The following C1QB variants were observed in gnomAD, a reference collection of about 807,000 sequenced individuals.
The protein encoded by C1QB is complement C1q B chain.
In C1QB, 2 loss-of-function variants were observed where a neutral mutation model predicts 4.6. The ratio of observed to expected loss-of-function variants is 0.43; its 90% confidence interval spans 0.18 to 1.36. C1QB has a LOEUF of 1.36. C1QB is among the 40% of genes most tolerant of loss of function. C1QB has a pLI of 0.28. For synonymous variants in C1QB, 132 were observed against 137.1 expected, an observed-to-expected ratio of 0.96 and a Z score of 0.26; for missense variants, 292 against 338.0, an observed-to-expected ratio of 0.86 and a Z score of 1.07.
Position 22,658,936 on chromosome 1 carries a change from TGGATGGATGGATGGAGAGGA to T in C1QB, c.-23-488_-23-469del, listed in dbSNP as rs1262562037. Among the ~76,000 whole-genome samples, 7 of 126,320 alleles carry T rather than the reference TGGATGGATGGATGGAGAGGA, an allele frequency of 5.5e-5. No individual in the cohort carries two copies. The Middle Eastern group carries it at 0.027, about 480-fold the overall frequency. The allele number at this position is 126,320 out of a possible 152,430, so 82.9% of individuals were successfully genotyped here. A position where few individuals can be genotyped will look rare whatever the true frequency, so the allele number is the denominator to read the frequency against. On this transcript the variant is annotated intron_variant, in intron 1 of 2. Transcript: ENST00000509305. ...ATGCAGGGATGGAGGGGTAGAGAGA[TGGATGGATGGATGGAGAGGA>T]GGATGGATGGATGGATGCAGGGATG...
At position 22,661,154 on chromosome 1, in the gene C1QB, G is replaced by A. The variant is rs754513747; in HGVS notation, c.524G>A (p.Arg175Gln). The A allele has an allele frequency of 2.5e-6, 4 of 1,614,134 alleles. No individual in the cohort carries two copies. Among genetic ancestry groups the A allele is most frequent in the Non-Finnish European group, 3.4e-6 (4 of 1,180,018 alleles). The change falls in exon 3 of 3, where the codon CGA becomes CAA. Residue 175 changes from arginine to glutamine, a missense_variant. Physicochemically the swap from Arg to Gln is conservative, Grantham distance 43 (BLOSUM62 1). Coordinates refer to ENST00000509305, the MANE Select transcript of C1QB (RefSeq NM_001378156.1). The stretch of plus-strand genomic sequence containing the variant: ...TACTTCACCTACCACGCCAGCTCTC[G>A]AGGGAACCTGTGCGTGAACCTCATG... Reference protein sequence around the residue: ...LYYFTYHASSRGNLCVNLMRG... With the variant: ...LYYFTYHASSQGNLCVNLMRG...
intron 2 of C1QB, 52 bp downstream of exon 2, chr1:22,659,695 C>T: frequency 6.4e-7 from 1 of 1,557,752 alleles, no homozygotes. Context: ...TTTCCCGTCT[C>T]CTGCCTCCCA....
chr1:22,660,854 A>C lies in C1QB; in HGVS notation c.224A>C (p.Lys75Thr). ...LAGDHGEFGEKGDPGIPGNPG... is the reference protein window; with the variant it reads ...LAGDHGEFGETGDPGIPGNPG... ...GGAGACCATGGTGAGTTCGGAGAGAAGGGAGACCCAGGGATTCCTGGGAAT... is the reference window on the plus strand; with the variant it reads ...GGAGACCATGGTGAGTTCGGAGAGACGGGAGACCCAGGGATTCCTGGGAAT... Residue 75 changes from lysine (K) to threonine (T), a missense_variant, in exon 3 of 3, where the codon AAG becomes ACG. Coordinates refer to ENST00000509305, the MANE Select transcript of C1QB (RefSeq NM_001378156.1). The C allele has an allele frequency of 1.2e-6, 2 of 1,613,876 alleles. No individual in the cohort carries two copies. Among genetic ancestry groups the C allele is most frequent in the Non-Finnish European group, 1.7e-6 (2 of 1,179,960 alleles).
intron 1 of C1QB, among the ~76,000 whole-genome samples, chr1:22,659,119 GAGAT>G (rs1221987811): frequency 5.3e-4 from 77 of 146,192 alleles, no homozygotes; most frequent in African/African-American, 1.6e-3. Context: ...GGAGGATAGA[GAGAT>G]AGATGGATGG....
At chr1:22,659,716 G>T in intron 2 of C1QB, 73 bp downstream of exon 2, 1 of 1,528,070 alleles carries the variant, frequency 6.5e-7, no homozygotes, top group Non-Finnish European at 8.9e-7. Context: ...AGTCACAGTT[G>T]CCTACCTTTG....
chr1:22,656,943 G>A (rs1403695207), intron 1 of C1QB, among the ~76,000 whole-genome samples: 1 of 152,158 alleles, frequency 6.6e-6, no homozygotes, highest in East Asian at 1.9e-4. Context: ...ATACAGATGA[G>A]ATGCTCAGGG....
chr1:22,657,910 G>T (rs1166257284), intron 1 of C1QB, among the ~76,000 whole-genome samples: 3 of 152,136 alleles, frequency 2.0e-5, no homozygotes, highest in Admixed American at 2.0e-4. Context: ...GGCCATCACT[G>T]CCCTCTTGCC....
At chr1:22,658,707 G>T (rs2148304068) in intron 1 of C1QB, among the ~76,000 whole-genome samples, 1 of 152,248 alleles carries the variant, frequency 6.6e-6, no homozygotes, top group East Asian at 1.9e-4. Context: ...TGGATGGAGG[G>T]ACAGATGGAG....
chr1:22,658,903 ATGGATGGATG>A (rs1642567649), intron 1 of C1QB, among the ~76,000 whole-genome samples: 1 of 97,232 alleles, frequency 1.0e-5, no homozygotes, highest in Admixed American at 1.3e-4. Flanking sequence ...GGATGGATGG[ATGGATGGATG>A]CAGGGATGGA....
At chr1:22,658,347 C>T (rs542687705) in intron 1 of C1QB, among the ~76,000 whole-genome samples, 149 of 152,260 alleles carry the variant, frequency 9.8e-4, no homozygotes, top group Middle Eastern at 6.8e-3. Context: ...CTTTTCTGGA[C>T]CTTCAGGTCT....
At chr1:22,660,735 G>A in intron 2 of C1QB, 77 bp from the exon 3 acceptor site, 1 of 1,440,890 alleles carries the variant, frequency 6.9e-7, no homozygotes, top group Non-Finnish European at 9.7e-7. Context: ...GAGAGGCAGG[G>A]CCCTGCCCAA....
rs768173375 is a variant in C1QB at position 22,661,432 on chromosome 1, G to A, written c.*46G>A. The A allele has an allele frequency of 2.2e-5, 36 of 1,606,742 alleles. No individual in the cohort carries two copies. The highest frequency in any genetic ancestry group is 1.5e-4 in the South Asian group (14 of 90,844). On this transcript the variant is annotated 3_prime_UTR_variant, in exon 3 of 3. Coordinates refer to ENST00000509305, the MANE Select transcript of C1QB (RefSeq NM_001378156.1). ...CACCCCGGCTCCCCCTGCCAGCAAC[G>A]CTCACTCTACCCCCAACACCACCCC...
Position 22,659,593 on chromosome 1 carries a change from C to T in C1QB, c.131C>T (p.Thr44Ile), listed in dbSNP as rs747307315. ...AIPGIPGIPG[T>I]PGPDGQPGTP... ...CCTGGCATCCCGGGTATCCCTGGGA[C>T]ACCTGGCCCCGATGGCCAACCTGGG... is the stretch of plus-strand genomic sequence containing the variant. The change falls in exon 2 of 3, where the codon ACA becomes ATA. Residue 44 changes from threonine to isoleucine, a missense_variant. Coordinates refer to ENST00000509305, the MANE Select transcript of C1QB (RefSeq NM_001378156.1). 33 of 1,613,960 alleles carry T rather than the reference C, an allele frequency of 2.0e-5. No individual in the cohort carries two copies. The South Asian group carries it at 3.5e-4, about 17-fold the overall frequency.
chr1:22,659,217 T>C (rs1642579724), intron 1 of C1QB, among the ~76,000 whole-genome samples: 1 of 138,580 alleles, frequency 7.2e-6, no homozygotes, highest in Admixed American at 7.2e-5. Context: ...GATAGAGAGA[T>C]GGATGGATGG....
At chr1:22,655,903 G>A (rs1557610588) in intron 1 of C1QB, among the ~76,000 whole-genome samples, 1 of 152,124 alleles carries the variant, frequency 6.6e-6, no homozygotes, top group Non-Finnish European at 1.5e-5. Context: ...AGCTTCGAAT[G>A]AAGAAAAAAC....
At chr1:22,656,514 A>C (rs291981) in intron 1 of C1QB, among the ~76,000 whole-genome samples, 20,970 of 152,144 alleles carry the variant, frequency 0.14, 2,607 homozygotes, top group African/African-American at 0.33. Flanking sequence ...TCTCAAAAAA[A>C]ACCAAAAACC....
At chr1:22,658,063 CAGT>C (rs747877735) in intron 1 of C1QB, among the ~76,000 whole-genome samples, 7 of 152,160 alleles carry the variant, frequency 4.6e-5, no homozygotes, top group Non-Finnish European at 1.0e-4. Context: ...GTAGGAATCA[CAGT>C]AGATGCAGGG....
intron 1 of C1QB, 55 bp from the exon 2 acceptor site, chr1:22,659,384 AT>A: frequency 1.4e-6 from 2 of 1,480,234 alleles, no homozygotes; most frequent in Non-Finnish European, 1.9e-6. Flanking sequence ...GGATGGATGG[AT>A]GGATGGATGA....
At chr1:22,659,408 G>C (rs566821455) in intron 1 of C1QB, 32 bp from the exon 2 acceptor site, 5 of 1,594,796 alleles carry the variant, frequency 3.1e-6, no homozygotes, top group South Asian at 1.1e-5. Context: ...GGATCACCAC[G>C]GTGGTAACCT....
Sources: allele counts gnomAD v4.1 joint callset (sites outside exome capture counted in the v4.1 genomes callset), GRCh38; gene constraint gnomAD v4.1.1; transcripts MANE v1.5; gene names NCBI Gene and HGNC (gene_info 2026-07-23, HGNC 2026-07-21).